The following NKAIN3 variants were observed in gnomAD, a reference collection of about 807,000 sequenced individuals.
NKAIN3 encodes sodium/potassium transporting ATPase interacting 3.
In NKAIN3, 25 loss-of-function variants were observed where a neutral mutation model predicts 30.2. That is an observed-to-expected ratio of 0.83 (90% CI 0.60 to 1.16). NKAIN3 has a LOEUF of 1.16. Ranked by LOEUF, NKAIN3 falls within the 50% of genes most tolerant of loss-of-function variation. NKAIN3 has a pLI of 0.00. For missense variants in NKAIN3, 225 were observed against 254.1 expected (o/e 0.89, Z 0.78); for synonymous variants, 91 against 89.6 (o/e 1.02, Z -0.09).
chr8:62,870,067 G>A (rs1035094546), intron 4 of NKAIN3, among the ~76,000 whole-genome samples: 1 of 151,504 alleles, frequency 6.6e-6, no homozygotes, highest in African/African-American at 2.4e-5. Context: ...ACCGCGCCCA[G>A]CCCCAGCCCC....
chr8:62,845,615 A>T (rs756660324), intron 4 of NKAIN3, among the ~76,000 whole-genome samples: 4 of 152,012 alleles, frequency 2.6e-5, no homozygotes, highest in Non-Finnish European at 4.4e-5. Context: ...ATCCCAGAAG[A>T]TGTGAAATAA....
At chr8:62,759,797 C>A (rs532460592) in intron 4 of NKAIN3, among the ~76,000 whole-genome samples, 74 of 152,156 alleles carry the variant, frequency 4.9e-4, no homozygotes, top group African/African-American at 1.7e-3. Flanking sequence ...AGGTTCTGCA[C>A]AGCAAAAGAA....
chr8:62,267,599 G>A (rs1181066201), intron 1 of NKAIN3, among the ~76,000 whole-genome samples: 1 of 151,980 alleles, frequency 6.6e-6, no homozygotes, highest in African/African-American at 2.4e-5. Context: ...GGATAGAAAG[G>A]GTCCTGCCTT....
intron 4 of NKAIN3, among the ~76,000 whole-genome samples, chr8:62,747,714 G>C (rs10094127): frequency 0.081 from 12,257 of 152,166 alleles, 511 homozygotes; most frequent in Non-Finnish European, 0.085. Flanking sequence ...CCACCAGACT[G>C]CCCCACTCAC....
At chr8:62,354,944 G>T (rs1816300126) in intron 1 of NKAIN3, among the ~76,000 whole-genome samples, 1 of 152,102 alleles carries the variant, frequency 6.6e-6, no homozygotes, top group African/African-American at 2.4e-5. Context: ...CTTTCTCCTG[G>T]AGGGTGATTT....
At chr8:62,379,461 A>T in intron 1 of NKAIN3, among the ~76,000 whole-genome samples, 1 of 152,170 alleles carries the variant, frequency 6.6e-6, no homozygotes, top group East Asian at 1.9e-4. Flanking sequence ...TCCCCACTCA[A>T]ATCTCATCTT....
intron 1 of NKAIN3, among the ~76,000 whole-genome samples, chr8:62,280,491 G>T (rs1332495597): frequency 6.6e-6 from 1 of 152,120 alleles, no homozygotes; most frequent in African/African-American, 2.4e-5. Context: ...TGCCCATTCA[G>T]TATGATATTG....
chr8:62,525,360 T>C (rs992443777), intron 1 of NKAIN3, among the ~76,000 whole-genome samples: 1 of 152,174 alleles, frequency 6.6e-6, no homozygotes, highest in African/African-American at 2.4e-5. Context: ...GAAGGAGTTC[T>C]TGCTTTTGGT....
At chr8:62,787,978 C>T (rs919423641) in intron 4 of NKAIN3, among the ~76,000 whole-genome samples, 10 of 151,902 alleles carry the variant, frequency 6.6e-5, no homozygotes, top group Admixed American at 2.6e-4. Flanking sequence ...TGAATAGTGC[C>T]GCAATAAACA....
intron 4 of NKAIN3, among the ~76,000 whole-genome samples, chr8:62,825,142 A>C (rs1239419416): frequency 1.3e-5 from 2 of 152,182 alleles, no homozygotes; most frequent in Non-Finnish European, 2.9e-5. Context: ...AATGAATGAA[A>C]CCATTCACAG....
chr8:62,302,894 A>G (rs1292250984), intron 1 of NKAIN3, among the ~76,000 whole-genome samples: 1 of 144,102 alleles, frequency 6.9e-6, no homozygotes, highest in South Asian at 2.1e-4. Context: ...CAGTGGTAAC[A>G]TTATATAGAG....
At chr8:62,357,851 G>T (rs549829641) in intron 1 of NKAIN3, among the ~76,000 whole-genome samples, 1 of 152,180 alleles carries the variant, frequency 6.6e-6, no homozygotes, top group African/African-American at 2.4e-5. Context: ...GTAGTAAGTT[G>T]TAATATTTAT....
chr8:62,863,219 G>A (rs183731047), intron 4 of NKAIN3: 112 of 1,557,436 alleles, frequency 7.2e-5, no homozygotes, highest in East Asian at 2.5e-4. Flanking sequence ...AACTCAGCCT[G>A]CCTCTTCTGT....
chr8:62,599,252 G>A (rs1165955676), intron 3 of NKAIN3, among the ~76,000 whole-genome samples: 1 of 152,000 alleles, frequency 6.6e-6, no homozygotes, highest in East Asian at 1.9e-4. Context: ...GAGTGTTTTA[G>A]TTCTCCCCAT....
At chr8:62,691,889 G>C (rs1813979113) in intron 3 of NKAIN3, among the ~76,000 whole-genome samples, 1 of 152,172 alleles carries the variant, frequency 6.6e-6, no homozygotes, top group South Asian at 2.1e-4. Flanking sequence ...ATGAATCGAA[G>C]AGCAAGCTAA....
chr8:62,655,745 G>A (rs756839972), intron 3 of NKAIN3, among the ~76,000 whole-genome samples: 3 of 152,114 alleles, frequency 2.0e-5, no homozygotes, highest in South Asian at 2.1e-4. Context: ...GCAGGCAGGC[G>A]GATATACAGG....
intron 4 of NKAIN3, among the ~76,000 whole-genome samples, chr8:62,802,964 C>T (rs1378950934): frequency 6.6e-6 from 1 of 152,066 alleles, no homozygotes; most frequent in Admixed American, 6.6e-5. Context: ...GGGTTGCAAT[C>T]CTAGTCTCTG....
chr8:62,577,887 T>G (rs1563466727), intron 1 of NKAIN3, among the ~76,000 whole-genome samples: 1 of 152,042 alleles, frequency 6.6e-6, no homozygotes, highest in Admixed American at 6.6e-5. Context: ...CTTCGCTCTC[T>G]TCTCTTTTCC....
chr8:62,289,211 T>C (rs1813490004), intron 1 of NKAIN3, among the ~76,000 whole-genome samples: 1 of 152,222 alleles, frequency 6.6e-6, no homozygotes, highest in African/African-American at 2.4e-5. Context: ...ACTCTGATGG[T>C]AGTTTCTTTT....
Sources: gnomAD v4.1 joint callset for allele counts (sites outside exome capture counted in the v4.1 genomes callset) on GRCh38, gnomAD v4.1.1 for gene constraint, MANE v1.5 for transcripts, NCBI Gene and HGNC (gene_info 2026-07-23, HGNC 2026-07-21) for gene names.